MYO1E: variants seen among roughly 807,000 people sequenced by gnomAD.
MYO1E encodes the protein myosin IE.
In MYO1E, 68 loss-of-function variants were observed where a neutral mutation model predicts 151.1. The ratio of observed to expected loss-of-function variants is 0.45; its 90% CI spans 0.37 to 0.55. MYO1E has a LOEUF of 0.55. Among genes scored for constraint, MYO1E ranks in the 20% least tolerant of loss-of-function variants. The pLI is 0.00. For synonymous variants in MYO1E, 601 were observed against 501.7 expected (o/e 1.20, Z -2.64); for missense variants, 1,363 against 1,389.3 (o/e 0.98, Z 0.30).
At chr15:59,204,268 G>A (rs1185428426) in intron 15 of MYO1E, among the ~76,000 whole-genome samples, 1 of 152,234 alleles carries the variant, frequency 6.6e-6, no homozygotes, top group East Asian at 1.9e-4. Flanking sequence ...AGAGCAGAGG[G>A]TGAGGAGGGG....
intron 19 of MYO1E, among the ~76,000 whole-genome samples, chr15:59,177,134 G>A (rs144999276): frequency 3.3e-5 from 5 of 152,138 alleles, no homozygotes; most frequent in Non-Finnish European, 7.4e-5. Context: ...GAAAGAACAG[G>A]AACTGTTCTG....
chr15:59,148,373 G>A (rs1175261094), intron 26 of MYO1E, among the ~76,000 whole-genome samples: 1 of 152,156 alleles, frequency 6.6e-6, no homozygotes. Flanking sequence ...CACACCTCCT[G>A]GGTGGGTGTG....
At position 59,136,888 on chromosome 15, in the gene MYO1E, C is replaced by A. The variant is rs974580242; in HGVS notation, c.*492G>T. Reference sequence around the variant, plus strand: ...CACGTACATGGGAAGTGCCTGCTCACGCTAAGCCCAGTCTGCAGAGGGCGG... The same window carrying A: ...CACGTACATGGGAAGTGCCTGCTCAAGCTAAGCCCAGTCTGCAGAGGGCGG... On this transcript the variant is annotated 3_prime_UTR_variant, in exon 28 of 28. Transcript: ENST00000288235. 1.3e-4 allele frequency: 51 copies of A among 402,046 alleles called. No homozygotes were observed. Among genetic ancestry groups the A allele is most frequent in the Non-Finnish European group, 8.5e-5 (17 of 199,930 alleles). The allele number at this position is 402,046 out of a possible 1,614,324, so 24.9% of individuals were successfully genotyped here.
intron 1 of MYO1E, among the ~76,000 whole-genome samples, chr15:59,323,395 T>G (rs1305647273): frequency 6.6e-6 from 1 of 151,964 alleles, no homozygotes; most frequent in Non-Finnish European, 1.5e-5. Flanking sequence ...GGCTCACACC[T>G]GTAATCCTAG....
intron 9 of MYO1E, chr15:59,218,308 AT>A (rs2079932781): frequency 1.5e-6 from 1 of 667,060 alleles, no homozygotes; most frequent in Non-Finnish European, 2.7e-6. Context: ...ACATGAGTCA[AT>A]TCCTATGATG....
intron 1 of MYO1E, among the ~76,000 whole-genome samples, chr15:59,281,000 A>T (rs537298615): frequency 5.9e-5 from 9 of 152,030 alleles, no homozygotes; most frequent in Non-Finnish European, 1.3e-4. Flanking sequence ...CCTCCAACCC[A>T]CTAGAGGATG....
chr15:59,249,690 C>A (rs1426958852), intron 4 of MYO1E, among the ~76,000 whole-genome samples: 1 of 152,166 alleles, frequency 6.6e-6, no homozygotes, highest in African/African-American at 2.4e-5. Context: ...TTAAATGACA[C>A]TAAAGATTCC....
At chr15:59,336,211 A>G (rs1424977933) in intron 1 of MYO1E, among the ~76,000 whole-genome samples, 1 of 152,020 alleles carries the variant, frequency 6.6e-6, no homozygotes, top group East Asian at 1.9e-4. Flanking sequence ...TGTCTAAAAA[A>G]AATACAAAAA....
intron 18 of MYO1E, among the ~76,000 whole-genome samples, chr15:59,185,150 C>A (rs201244671): frequency 1.3e-5 from 2 of 152,216 alleles, no homozygotes; most frequent in East Asian, 3.9e-4. Flanking sequence ...ATTTTTTCCC[C>A]ACAAAGTTGT....
intron 26 of MYO1E, among the ~76,000 whole-genome samples, chr15:59,139,268 C>T (rs142451490): frequency 2.8e-5 from 2 of 71,544 alleles, no homozygotes; most frequent in Non-Finnish European, 1.1e-4. Context: ...TCCCTCCCAC[C>T]CCCTCATTAT....
At chr15:59,195,440 T>C in intron 17 of MYO1E, 21 bp downstream of exon 17, 1 of 1,593,254 alleles carries the variant, frequency 6.3e-7, no homozygotes, top group Non-Finnish European at 8.6e-7. Context: ...CGGCCCCACC[T>C]AAGCCGGTTT....
intron 18 of MYO1E, among the ~76,000 whole-genome samples, chr15:59,187,588 A>G (rs1032181): frequency 0.28 from 42,569 of 152,086 alleles, 6,506 homozygotes; most frequent in East Asian, 0.58. Context: ...TGAAGCATAT[A>G]CCCGAAAGAA....
chr15:59,138,271 C>G lies in MYO1E; in HGVS notation c.3177G>C (p.Leu1059Phe). The G allele has an allele frequency of 6.2e-7, 1 of 1,614,252 alleles. No individual in the cohort carries two copies. The highest frequency in any genetic ancestry group is 8.5e-7 in the Non-Finnish European group (1 of 1,180,036). The part of the protein sequence containing the change: ...PKPQVPQCKA[L>F]YAYDAQDTDE... ...CTGTGTCCTGAGCGTCATAGGCATA[C>G]AAAGCCTTGCACTGTGGCACCTGAG... The change falls in exon 27 of 28, where the codon TTG (leucine) becomes TTC (phenylalanine). Residue 1059 changes from leucine to phenylalanine, a missense_variant. Coordinates refer to ENST00000288235, the MANE Select transcript of MYO1E (RefSeq NM_004998.4).
rs1181297369 is a variant in MYO1E at position 59,149,038 on chromosome 15, GTTTTTTTTTTTTTGTT to G, written c.3080+4536_3080+4551del. On this transcript the variant is annotated intron_variant, in intron 26 of 27. Transcript: ENST00000288235. Reference sequence around the variant, plus strand: ...CAGAGCAAAGGTGGGTGGATGAACTGTTTTTTTTTTTTTGTTTTTTTTTTTTTTTTTTTTTTGAGAC... The same window carrying G: ...CAGAGCAAAGGTGGGTGGATGAACTGTTTTTTTTTTTTTTTTTTTTGAGAC... Among the ~76,000 whole-genome samples the G allele has an allele frequency of 3.8e-3, 336 of 89,568 alleles. 1 individual carries two copies. The highest frequency in any genetic ancestry group is 0.014 in the African/African-American group (318 of 22,098). The allele number at this position is 89,568 out of a possible 152,430, so 58.8% of individuals were successfully genotyped here.
intron 22 of MYO1E, among the ~76,000 whole-genome samples, chr15:59,169,317 T>C (rs1292959469): frequency 2.6e-5 from 4 of 152,230 alleles, no homozygotes; most frequent in African/African-American, 7.2e-5. Context: ...TTAAAATCTT[T>C]CTCTATGCCA....
intron 1 of MYO1E, among the ~76,000 whole-genome samples, chr15:59,339,441 C>T (rs550415162): frequency 6.6e-6 from 1 of 152,334 alleles, no homozygotes; most frequent in African/African-American, 2.4e-5. Context: ...TGACTCCATA[C>T]TGTAGAATTG....
intron 4 of MYO1E, among the ~76,000 whole-genome samples, chr15:59,238,415 G>T (rs2080079653): frequency 6.6e-6 from 1 of 152,218 alleles, no homozygotes; most frequent in Non-Finnish European, 1.5e-5. Flanking sequence ...CTTACAAAGA[G>T]TATGTAGCAA....
intron 1 of MYO1E, among the ~76,000 whole-genome samples, chr15:59,346,301 C>A (rs1267398228): frequency 6.6e-6 from 1 of 152,176 alleles, no homozygotes; most frequent in Non-Finnish European, 1.5e-5. Flanking sequence ...AGACTCAGCT[C>A]CTTCTGCAAC....
intron 22 of MYO1E, among the ~76,000 whole-genome samples, chr15:59,169,512 A>G (rs1430557138): frequency 6.6e-6 from 1 of 152,194 alleles, no homozygotes; most frequent in Non-Finnish European, 1.5e-5. Flanking sequence ...GGCAAGTGTG[A>G]GGTTCAGTGA....
Sources: gnomAD v4.1 joint callset for allele counts (sites outside exome capture counted in the v4.1 genomes callset) on GRCh38, gnomAD v4.1.1 for gene constraint, MANE v1.5 for transcripts, NCBI Gene and HGNC (gene_info 2026-07-23, HGNC 2026-07-21) for gene names.